Variants in ABCA10 observed in about 807,000 individuals in gnomAD.
ABCA10 encodes ATP-binding cassette sub-family A member 10.
A neutral mutation model predicts 187.5 loss-of-function variants in ABCA10; 169 were observed. The ratio of observed to expected loss-of-function variants is 0.90; its 90% confidence interval spans 0.80 to 1.02. The LOEUF is 1.02. ABCA10 is among the 50% of genes least tolerant of loss of function. The probability of loss-of-function intolerance (pLI) is 0.00; values close to 1 mark genes in which losing one functional copy is unlikely to be tolerated. For missense variants in ABCA10, 1,727 were observed against 1,812.4 expected (o/e 0.95, Z 0.86); for synonymous variants, 574 against 601.8 (o/e 0.95, Z 0.68).
intron 9 of ABCA10, among the ~76,000 whole-genome samples, chr17:69,207,064 T>C (rs1176266612): frequency 6.6e-6 from 1 of 152,054 alleles, no homozygotes; most frequent in Non-Finnish European, 1.5e-5. Context: ...ATAACCCAAT[T>C]TGAAAACGAG....
chr17:69,160,197 C>T (rs1462735965), intron 27 of ABCA10, among the ~76,000 whole-genome samples: 1 of 152,142 alleles, frequency 6.6e-6, no homozygotes, highest in East Asian at 1.9e-4. Context: ...AGATAACCTA[C>T]AGAATACAAG....
At chr17:69,231,424 A>G (rs938781500), upstream of ABCA10, among the ~76,000 whole-genome samples, 27 of 152,174 alleles carry the variant, frequency 1.8e-4, no homozygotes, top group African/African-American at 5.8e-4. Flanking sequence ...TTCCCTCTTA[A>G]AACTGCTTTT....
intron 27 of ABCA10, among the ~76,000 whole-genome samples, chr17:69,159,295 C>T (rs2074197435): frequency 6.6e-6 from 1 of 151,904 alleles, no homozygotes; most frequent in Non-Finnish European, 1.5e-5. Context: ...AATAAATAAA[C>T]AGAGCCTCAA....
chr17:69,165,573 T>C (rs2074248787), intron 25 of ABCA10, among the ~76,000 whole-genome samples: 2 of 152,262 alleles, frequency 1.3e-5, no homozygotes, highest in South Asian at 4.1e-4. Flanking sequence ...CAGAGGTAAA[T>C]TATATGGTTG....
chr17:69,184,337 G>T (rs376734117), intron 20 of ABCA10, among the ~76,000 whole-genome samples: 3 of 151,848 alleles, frequency 2.0e-5, no homozygotes, highest in Non-Finnish European at 4.4e-5. Context: ...TTATCCAGGC[G>T]ACCCTAGGGC....
chr17:69,165,150 G>A lies in ABCA10; in HGVS notation c.3163-67C>T, dbSNP rs1016831656. On this transcript the variant is annotated intron_variant, in intron 25 of 38. Coordinates refer to ENST00000690296, the MANE Select transcript of ABCA10 (RefSeq NM_001377321.1). ...TTTGATATCTTAAGATATTTCCTGT[G>A]AATAACCTGTTTTCCTGGGAGATAC... is the stretch of plus-strand genomic sequence containing the variant. 8 of 1,298,578 alleles carry A rather than the reference G, an allele frequency of 6.2e-6. No homozygotes were observed. In the Admixed American group the frequency reaches 1.7e-4, roughly 28 times the overall value. The allele number at this position is 1,298,578 out of a possible 1,614,324, so 80.4% of individuals were successfully genotyped here.
At chr17:69,163,182 T>C (rs139012455) in intron 27 of ABCA10, among the ~76,000 whole-genome samples, 1,865 of 152,216 alleles carry the variant, frequency 0.012, 16 homozygotes, top group Middle Eastern at 0.031. Context: ...CATTTTCCCA[T>C]GAGGATTTTG....
At chr17:69,214,665 A>T in intron 9 of ABCA10, 39 bp downstream of exon 9, 1 of 1,397,500 alleles carries the variant, frequency 7.2e-7, no homozygotes, top group Non-Finnish European at 9.5e-7. Context: ...AAGAAACAGA[A>T]TTGCTTTAAA....
rs149124503 is a variant in ABCA10, at chr17:69,207,829, T to C, written c.1007-6161A>G. On this transcript the variant is annotated intron_variant, in intron 9 of 38. Coordinates refer to ENST00000690296, the MANE Select transcript of ABCA10 (RefSeq NM_001377321.1). ...CAAAGGATACAAAGTTTTAGTTAGA[T>C]AGGAGGAATAAACTCAAGAGACCCA... is the stretch of plus-strand genomic sequence containing the variant. 3.1e-3 allele frequency among the ~76,000 whole-genome samples: 475 copies of C among 152,206 alleles called. 4 individuals carry two copies. The highest frequency in any genetic ancestry group is 0.011 in the African/African-American group (443 of 41,548).
upstream of ABCA10, among the ~76,000 whole-genome samples, chr17:69,231,569 AC>A (rs1251740082): frequency 6.6e-6 from 1 of 152,050 alleles, no homozygotes; most frequent in African/African-American, 2.4e-5. Context: ...GTGTATTTGT[AC>A]CATTTCCAAT....
In ABCA10 at chr17:69,201,631, A is replaced by C; in HGVS notation, c.1044T>G (p.Leu348=). The C allele has an allele frequency of 6.2e-7, 1 of 1,608,242 alleles. No individual in the cohort carries two copies. The highest frequency in any genetic ancestry group is 8.5e-7 in the Non-Finnish European group (1 of 1,178,420). Residue 348 remains leucine, a synonymous_variant, in exon 10 of 39, where the codon CTT becomes CTG. Transcript: ENST00000690296. ...GATGTTTGGACCAAAATGAGGACTTAAGGAAAAATAATGGAGAATCCCCAT... is the reference window on the plus strand; with the variant it reads ...GATGTTTGGACCAAAATGAGGACTTCAGGAAAAATAATGGAGAATCCCCAT... The part of the protein sequence containing the change: ...DGHGDSPLFF[L]KSSFWSKHQN...
intron 25 of ABCA10, among the ~76,000 whole-genome samples, chr17:69,172,038 C>G (rs2074302266): frequency 6.8e-6 from 1 of 148,038 alleles, no homozygotes; most frequent in Non-Finnish European, 1.5e-5. Flanking sequence ...GTACACAAAT[C>G]TTTTTTAAGT....
At position 69,216,283 on chromosome 17, in the gene ABCA10, G is replaced by C. The variant is rs758242618; in HGVS notation, c.606C>G (p.Ile202Met). Residue 202 changes from isoleucine to methionine, a missense_variant, in exon 7 of 39, where the codon ATC (isoleucine) becomes ATG (methionine). Physicochemically the swap from Ile to Met is conservative, Grantham distance 10. Transcript: ENST00000690296. ...TGAAGCCAGTATGAAATACAATTGG[G>C]ATTGATGTTATGACCAGAGCCATAA... ...SIFMALVITS[I>M]PIVFHTGFMV... The C allele has an allele frequency of 6.2e-7, 1 of 1,613,404 alleles. No individual in the cohort carries two copies.
At position 69,221,842 on chromosome 17, in the gene ABCA10, G is replaced by C. The variant is rs114438868; in HGVS notation, c.253C>G (p.Leu85Val). The C allele has an allele frequency of 2.4e-3, 3,946 of 1,613,178 alleles. 79 individuals are homozygous for C. In the African/African-American group the frequency reaches 0.045, roughly 18 times the overall value. Reference protein sequence around the residue: ...EIFCYLAKYWLKGFVAFQAAI... With the variant: ...EIFCYLAKYWVKGFVAFQAAI... ...GCTTGAAAAGCTACAAACCCTTTTA[G>C]CCAGTACTTTGCCAAGTAACAAAAA... The change falls in exon 5 of 39, where the codon CTA (leucine) becomes GTA (valine). Residue 85 changes from leucine (L) to valine (V), a missense_variant. Physicochemically the swap from Leu to Val is conservative, Grantham distance 32 (BLOSUM62 1). Coordinates refer to ENST00000690296, the MANE Select transcript of ABCA10 (RefSeq NM_001377321.1).
At chr17:69,244,531 G>A (rs898571453) in exon 1 of ABCA10, 1 of 151,520 alleles carries the variant, frequency 6.6e-6, no homozygotes, top group Non-Finnish European at 1.5e-5. Flanking sequence ...ACTTTTACCT[G>A]ATAAGAATAG....
chr17:69,230,873 T>C (rs189386504), upstream of ABCA10, among the ~76,000 whole-genome samples: 23 of 152,268 alleles, frequency 1.5e-4, no homozygotes, highest in Admixed American at 1.1e-3. Context: ...TTAATTTCTA[T>C]TACAATCTCT....
intron 27 of ABCA10, among the ~76,000 whole-genome samples, chr17:69,162,808 T>C (rs1598089603): frequency 7.9e-6 from 1 of 126,274 alleles, no homozygotes; most frequent in African/African-American, 3.3e-5. Flanking sequence ...AAAAATTACA[T>C]ATATACATAT....
rs550616865 is a variant in ABCA10, at chr17:69,210,765, A to T, written c.1006+3939T>A. On this transcript the variant is annotated intron_variant, in intron 9 of 38. Transcript: ENST00000690296. ...GCCATTATTTCATTCCTTCTTATGGATGAGTAGTATTTCATTATATATATG... is the reference window on the plus strand; with the variant it reads ...GCCATTATTTCATTCCTTCTTATGGTTGAGTAGTATTTCATTATATATATG... Among the ~76,000 whole-genome samples the T allele has an allele frequency of 1.3e-4, 19 of 149,814 alleles. No homozygotes were observed. In the Middle Eastern group the frequency reaches 0.014, roughly 109 times the overall value.
chr17:69,207,055 T>C (rs1781486554), intron 9 of ABCA10, among the ~76,000 whole-genome samples: 1 of 151,798 alleles, frequency 6.6e-6, no homozygotes, highest in South Asian at 2.1e-4. Context: ...TAAGAAAAAA[T>C]AACCCAATTT....
Sources: allele counts gnomAD v4.1 joint callset (sites outside exome capture counted in the v4.1 genomes callset), GRCh38; gene constraint gnomAD v4.1.1; transcripts MANE v1.5; gene names NCBI Gene and HGNC (gene_info 2026-07-23, HGNC 2026-07-21).